The following SYNE1 variants were observed in gnomAD, a reference collection of about 807,000 sequenced individuals.
SYNE1 encodes spectrin repeat containing nuclear envelope protein 1, also known as nesprin-1.
In SYNE1, 616 loss-of-function variants were observed where a neutral mutation model predicts 1,111.0. The ratio of observed to expected loss-of-function variants is 0.55; its 90% CI spans 0.52 to 0.59. The LOEUF is 0.59. Ranked by LOEUF, SYNE1 falls within the 20% of genes least tolerant of loss-of-function variation. SYNE1 has a pLI of 0.00. For synonymous variants in SYNE1, 3,855 were observed against 3,825.8 expected, an observed-to-expected ratio of 1.01 and a Z score of -0.28; for missense variants, 10,006 against 10,417.0, an observed-to-expected ratio of 0.96 and a Z score of 1.72.
chr6:152,414,648 A>G (rs1231895068), intron 41 of SYNE1, among the ~76,000 whole-genome samples: 1 of 152,204 alleles, frequency 6.6e-6, no homozygotes, highest in African/African-American at 2.4e-5. Context: ...CATTAATTCA[A>G]TACAACATTT....
intron 11 of SYNE1, among the ~76,000 whole-genome samples, chr6:152,490,609 C>T (rs1045932446): frequency 1.3e-5 from 2 of 152,072 alleles, no homozygotes; most frequent in African/African-American, 4.8e-5. Flanking sequence ...TTTCCACTAC[C>T]CTCCCAAATC....
Position 152,484,947 on chromosome 6 carries a change from T to G in SYNE1, c.1073A>C (p.Tyr358Ser). Reference protein sequence around the residue: ...YQSFKHFRVQYEMKRKQIEHL... With the variant: ...YQSFKHFRVQSEMKRKQIEHL... Reference sequence around the variant, plus strand: ...TTCAATCTGTTTCCTCTTCATTTCATATTGAACTCTGAAGTGCTTAAATGA... The same window carrying G: ...TTCAATCTGTTTCCTCTTCATTTCAGATTGAACTCTGAAGTGCTTAAATGA... Residue 358 changes from tyrosine (Y) to serine (S), a missense_variant, in exon 13 of 146, where the codon TAT becomes TCT. By Grantham distance (144) the Tyr-to-Ser change is moderately radical (BLOSUM62 -2). Coordinates refer to ENST00000367255, the MANE Select transcript of SYNE1 (RefSeq NM_182961.4). 1 of 1,612,898 alleles carries G rather than the reference T, an allele frequency of 6.2e-7. No individual in the cohort carries two copies. The highest frequency in any genetic ancestry group is 8.5e-7 in the Non-Finnish European group (1 of 1,179,624).
chr6:152,628,206 T>A, intron 3 of SYNE1, 59 bp downstream of exon 3: 1 of 1,567,228 alleles, frequency 6.4e-7, no homozygotes, highest in Non-Finnish European at 8.8e-7. Context: ...CAAATTTAAC[T>A]GATTGTGGGT....
At position 152,148,823 on chromosome 6, in the gene SYNE1, C is replaced by T. The variant is rs146298708; in HGVS notation, c.24643-445G>A. On this transcript the variant is annotated intron_variant, in intron 136 of 145. Coordinates refer to ENST00000367255, the MANE Select transcript of SYNE1 (RefSeq NM_182961.4). This position sits in a 1 kb window ranked among gnomAD's most constrained non-coding sequence, Gnocchi z 4.1. The stretch of plus-strand genomic sequence containing the variant: ...AAATATTATAAAGAAAGGCAATCTA[C>T]TACCATGCCCACCACACAACACCTA... 9.1e-4 allele frequency among the ~76,000 whole-genome samples: 139 copies of T among 151,988 alleles called. 1 individual carries two copies. In the East Asian group the frequency reaches 0.025, roughly 28 times the overall value.
chr6:152,184,873 T>C (rs113258123), intron 128 of SYNE1, among the ~76,000 whole-genome samples: 9 of 152,148 alleles, frequency 5.9e-5, no homozygotes, highest in African/African-American at 2.2e-4. Flanking sequence ...TTAGTCTATA[T>C]ACTAAGTAAA....
chr6:152,343,939 A>C, intron 74 of SYNE1, 142 bp downstream of exon 74: 1 of 1,198,334 alleles, frequency 8.3e-7, no homozygotes, highest in Non-Finnish European at 1.2e-6. Flanking sequence ...CATGAACTCC[A>C]CTAGAGCCAA....
intron 3 of SYNE1, among the ~76,000 whole-genome samples, chr6:152,547,914 A>G (rs946023010): frequency 2.6e-5 from 4 of 152,198 alleles, no homozygotes; most frequent in African/African-American, 9.7e-5. Context: ...ATCTGTCATA[A>G]TGGATGTGTT....
At chr6:152,151,485 A>G (rs2060407165) in intron 135 of SYNE1, 68 bp downstream of exon 135, 1 of 1,600,098 alleles carries the variant, frequency 6.2e-7, no homozygotes, top group Admixed American at 1.7e-5. Flanking sequence ...TGTTCTTCAC[A>G]AAAGAGCCAC....
In SYNE1 at chr6:152,373,049, T is replaced by C. The variant is rs6913579; in HGVS notation, c.9495A>G (p.Glu3165=). ...TGGCTATATATACCTCTAGAGCAGA[T>C]TCTTTTTGGTGGAGATTTGAATGAA... ...KNFHSNLHQK[E]SALENLKIQM... Residue 3165 remains glutamate (E), a synonymous_variant, in exon 59 of 146, where the codon GAA becomes GAG. Transcript: ENST00000367255. The C allele has an allele frequency of 0.53, 860,897 of 1,613,334 alleles. 231,533 individuals are homozygous for C. The highest frequency in any genetic ancestry group is 0.55 in the Non-Finnish European group (652,898 of 1,179,530).
In SYNE1 at chr6:152,211,490, C is replaced by T. The variant is rs563408259; in HGVS notation, c.22589+4G>A. On this transcript the variant is annotated splice_donor_region_variant and intron_variant, in intron 124 of 145. Transcript: ENST00000367255. ...TCTTTGTAATAATTTATCAAAGATC[C>T]TACCTGTCATCAACTTGACCTTGTT... 1.9e-6 allele frequency: 3 copies of T among 1,611,276 alleles called. No individual in the cohort carries two copies. The South Asian group carries it at 3.3e-5, about 18-fold the overall frequency.
At chr6:152,432,904 T>C (rs988016051) in intron 34 of SYNE1, among the ~76,000 whole-genome samples, 1 of 152,130 alleles carries the variant, frequency 6.6e-6, no homozygotes, top group Admixed American at 6.6e-5. Context: ...GTATGCTTGA[T>C]TGCAAAAGAT....
At chr6:152,289,725 C>A (rs905617064) in intron 95 of SYNE1, among the ~76,000 whole-genome samples, 65 of 152,208 alleles carry the variant, frequency 4.3e-4, no homozygotes, top group Non-Finnish European at 5.4e-4. Context: ...CTCCCAGGTT[C>A]ACGTCATTCT....
intron 2 of SYNE1, among the ~76,000 whole-genome samples, chr6:152,630,397 G>A (rs1565305878): frequency 1.3e-5 from 2 of 152,274 alleles, no homozygotes; most frequent in East Asian, 3.9e-4. Flanking sequence ...GATTCTTCAT[G>A]GAGAAATAAT....
rs773570185 is a variant in SYNE1 at position 152,164,344 on chromosome 6, G to T, written c.23628-19C>A. On this transcript the variant is annotated intron_variant, in intron 130 of 145. Transcript: ENST00000367255. ...CTTCACCCTGTGGGCAGAGAAGGGG[G>T]AATGTCCCACTTCAGCGAGAGGCCC... 5.0e-6 allele frequency: 8 copies of T among 1,613,834 alleles called. No homozygotes were observed. The highest frequency in any genetic ancestry group is 1.7e-4 in the Middle Eastern group (1 of 5,936).
intron 3 of SYNE1, among the ~76,000 whole-genome samples, chr6:152,568,185 A>G (rs533997123): frequency 1.4e-4 from 22 of 152,246 alleles, no homozygotes; most frequent in African/African-American, 4.8e-4. Context: ...TTCATTGCAT[A>G]AAAATCAAAA....
intron 3 of SYNE1, among the ~76,000 whole-genome samples, chr6:152,582,175 T>G (rs17082839): frequency 0.021 from 3,251 of 152,208 alleles, 123 homozygotes; most frequent in African/African-American, 0.074. Context: ...GGGAAGTTTT[T>G]CAAGTTAGCC....
intron 121 of SYNE1, 73 bp from the exon 122 acceptor site, chr6:152,215,133 A>C: frequency 6.4e-7 from 1 of 1,555,894 alleles, no homozygotes; most frequent in Non-Finnish European, 8.8e-7. Context: ...GTGCGCAGTG[A>C]ATTTCTGATT....
intron 98 of SYNE1, chr6:152,277,880 T>C (rs765609331): frequency 1.7e-5 from 11 of 644,448 alleles, no homozygotes; most frequent in Non-Finnish European, 2.5e-5. Context: ...GAACAGCTGT[T>C]GTTAGTAGTC....
chr6:152,253,365 T>C (rs7740449), intron 104 of SYNE1, among the ~76,000 whole-genome samples: 99,288 of 152,010 alleles, frequency 0.65, 32,906 homozygotes, highest in East Asian at 0.88. Context: ...TTGCTGAGTG[T>C]TTACTATGTA....
Sources: allele counts gnomAD v4.1 joint callset (sites outside exome capture counted in the v4.1 genomes callset), GRCh38; gene constraint gnomAD v4.1.1; non-coding constraint Gnocchi (gnomAD v3.1); transcripts MANE v1.5; gene names NCBI Gene and HGNC (gene_info 2026-07-23, HGNC 2026-07-21).